MKRN1: variants seen among roughly 807,000 people sequenced by gnomAD.
MKRN1 encodes the protein E3 ubiquitin-protein ligase makorin-1.
In MKRN1, 9 loss-of-function variants were observed where a neutral mutation model predicts 55.5. The observed-to-expected ratio is 0.16, with a 90% confidence interval of 0.10 to 0.28. The LOEUF is 0.28. Among genes scored for constraint, MKRN1 ranks in the 10% least tolerant of loss-of-function variants. The pLI is 1.00. For synonymous variants in MKRN1, 253 were observed against 235.9 expected (o/e 1.07, Z -0.66); for missense variants, 488 against 626.7 (o/e 0.78, Z 2.36).
intron 1 of MKRN1, 38 bp downstream of exon 1, chr7:140,479,122 C>CCTCCCCGCGCCCGGCG: frequency 7.7e-7 from 1 of 1,295,614 alleles, no homozygotes; most frequent in South Asian, 2.5e-5. Context: ...CCCGCGGCCC[C>CCTCCCCGCGCCCGGCG]CTCCCCGCGC....
rs576751546 is a variant in MKRN1 at position 140,461,778 on chromosome 7, G to A, written c.315-1842C>T. Among the ~76,000 whole-genome samples, 5 of 152,092 alleles carry A rather than the reference G, an allele frequency of 3.3e-5. No individual in the cohort carries two copies. In the South Asian group the frequency reaches 1.0e-3, roughly 32 times the overall value. ...GCGGGTGGATCACCTGAGGTTGGGAGTTCGAGACCAGCCTGACCACCATGG... is the reference window on the plus strand; with the variant it reads ...GCGGGTGGATCACCTGAGGTTGGGAATTCGAGACCAGCCTGACCACCATGG... On this transcript the variant is annotated intron_variant, in intron 2 of 7. Coordinates refer to ENST00000255977, the MANE Select transcript of MKRN1 (RefSeq NM_013446.4).
chr7:140,468,831 A>G (rs1227767945), intron 2 of MKRN1, among the ~76,000 whole-genome samples: 1 of 152,160 alleles, frequency 6.6e-6, no homozygotes, highest in Non-Finnish European at 1.5e-5. Flanking sequence ...AGTAGCAACT[A>G]AACAAAGTTT....
At chr7:140,464,470 G>A (rs1272773112) in intron 2 of MKRN1, among the ~76,000 whole-genome samples, 4 of 152,020 alleles carry the variant, frequency 2.6e-5, no homozygotes, top group African/African-American at 4.8e-5. Context: ...TTGGGAGGCC[G>A]AGGTGGGCGA....
intron 1 of MKRN1, among the ~76,000 whole-genome samples, chr7:140,476,518 C>T (rs1395251730): frequency 7.2e-6 from 1 of 138,908 alleles, no homozygotes; most frequent in Non-Finnish European, 1.5e-5. Flanking sequence ...CTGTTAAGTA[C>T]TTTGTCTTTG....
At chr7:140,458,103 A>G (rs1452644188) in intron 4 of MKRN1, among the ~76,000 whole-genome samples, 2 of 152,226 alleles carry the variant, frequency 1.3e-5, no homozygotes, top group African/African-American at 2.4e-5. Context: ...GCCACTGTGG[A>G]AAAGTATGGC....
At chr7:140,456,040 C>T in intron 5 of MKRN1, 140 bp from the exon 6 acceptor site, 1 of 1,000,138 alleles carries the variant, frequency 1.0e-6, no homozygotes. Flanking sequence ...GTTCCACATA[C>T]TGTCACACAA....
At chr7:140,478,988 TG>T in intron 1 of MKRN1, 171 bp downstream of exon 1, 3 of 801,958 alleles carry the variant, frequency 3.7e-6, no homozygotes, top group Non-Finnish European at 5.0e-6. Flanking sequence ...ACGCAGTGAC[TG>T]GGGGAACGCG....
At chr7:140,457,243 A>T (rs1003134173) in intron 4 of MKRN1, among the ~76,000 whole-genome samples, 1 of 152,186 alleles carries the variant, frequency 6.6e-6, no homozygotes, top group African/African-American at 2.4e-5. Context: ...TCGGAAAATA[A>T]GGGTGACAGG....
chr7:140,467,740 C>T (rs1336417536), intron 2 of MKRN1, among the ~76,000 whole-genome samples: 1 of 152,130 alleles, frequency 6.6e-6, no homozygotes, highest in African/African-American at 2.4e-5. Flanking sequence ...CTGTGGCTCA[C>T]GCCTGTAATC....
At chr7:140,465,961 GTCCCA>G (rs1794753358) in intron 2 of MKRN1, among the ~76,000 whole-genome samples, 1 of 151,974 alleles carries the variant, frequency 6.6e-6, no homozygotes, top group Non-Finnish European at 1.5e-5. Context: ...CGCGCCTGTA[GTCCCA>G]GCTACTCAGG....
At chr7:140,460,306 TTTTC>T in intron 2 of MKRN1, 1 of 148,446 alleles carries the variant, frequency 6.7e-6, no homozygotes, top group Non-Finnish European at 1.3e-5. Flanking sequence ...TACCTTTTTC[TTTTC>T]TTTTTTTTTT....
intron 1 of MKRN1, chr7:140,473,263 C>T (rs996712891): frequency 4.9e-5 from 22 of 450,248 alleles, no homozygotes; most frequent in African/African-American, 3.5e-4. Context: ...AGTTTGCCTT[C>T]GGTGAAAACC....
At position 140,459,778 on chromosome 7, in the gene MKRN1, G is replaced by C; in HGVS notation, c.473C>G (p.Thr158Ser). 6.2e-7 allele frequency: 1 copy of C among 1,613,914 alleles called. No individual in the cohort carries two copies. Among genetic ancestry groups the C allele is most frequent in the South Asian group, 1.1e-5 (1 of 91,072 alleles). ...CCAGTCCTCTGAACCTGCTCCTACA[G>C]TTGCAAAGTTTGAATTTCTTGACTC... ...EAESRNSNFA[T>S]VGAGSEDWVN... Residue 158 changes from threonine (T) to serine (S), a missense_variant, in exon 3 of 8, where the codon ACT becomes AGT. Coordinates refer to ENST00000255977, the MANE Select transcript of MKRN1 (RefSeq NM_013446.4).
At chr7:140,459,509 C>T (rs1206700431) in intron 3 of MKRN1, among the ~76,000 whole-genome samples, 198 bp downstream of exon 3, 2 of 152,086 alleles carry the variant, frequency 1.3e-5, no homozygotes, top group Admixed American at 6.6e-5. Flanking sequence ...TTTTTCAAAA[C>T]ATTCTGAATT....
At chr7:140,466,768 C>G (rs1222687688) in intron 2 of MKRN1, among the ~76,000 whole-genome samples, 1 of 142,240 alleles carries the variant, frequency 7.0e-6, no homozygotes, top group East Asian at 2.1e-4. Context: ...TGCGCCACTG[C>G]AGTCCGCCGT....
chr7:140,455,993 G>A, intron 5 of MKRN1, 93 bp from the exon 6 acceptor site: 1 of 1,198,114 alleles, frequency 8.3e-7, no homozygotes, highest in Non-Finnish European at 1.2e-6. Context: ...CAGACTTAAA[G>A]ACTTAACTGA....
chr7:140,478,803 C>G, intron 1 of MKRN1: 1 of 170,438 alleles, frequency 5.9e-6, no homozygotes, highest in East Asian at 1.6e-4. Context: ...GCGGCGGGGG[C>G]ATCCTTCCAG....
At chr7:140,460,693 G>C (rs1429482523) in intron 2 of MKRN1, among the ~76,000 whole-genome samples, 2 of 152,176 alleles carry the variant, frequency 1.3e-5, no homozygotes, top group African/African-American at 4.8e-5. Flanking sequence ...TGCATATTTA[G>C]TTATACCATG....
Position 140,479,240 on chromosome 7 carries a change from G to A in MKRN1, c.105C>T (p.Thr35=), listed in dbSNP as rs762846600. 1 of 1,434,428 alleles carries A rather than the reference G, an allele frequency of 7.0e-7. No individual in the cohort carries two copies. Among genetic ancestry groups the A allele is most frequent in the South Asian group, 1.4e-5 (1 of 69,064 alleles). 88.9% of individuals were successfully genotyped at this position (1,434,428 alleles called of 1,614,324 possible). ...CTCCGCCCGCCCCCAGGGACGGGGCGGTGACTGTGGGGATCGGGGTGGGGG... is the reference window on the plus strand; with the variant it reads ...CTCCGCCCGCCCCCAGGGACGGGGCAGTGACTGTGGGGATCGGGGTGGGGG... ...AASPTPIPTV[T]APSLGAGGGG... is the part of the protein sequence containing the mutation. The change falls in exon 1 of 8, where the codon ACC becomes ACT. Residue 35 remains threonine, a synonymous_variant. Transcript: ENST00000255977.
Sources: allele counts gnomAD v4.1 joint callset (sites outside exome capture counted in the v4.1 genomes callset), GRCh38; gene constraint gnomAD v4.1.1; transcripts MANE v1.5; gene names NCBI Gene and HGNC (gene_info 2026-07-23, HGNC 2026-07-21).